B3GAT2: variants seen among roughly 807,000 people sequenced by gnomAD.
B3GAT2 encodes galactosylgalactosylxylosylprotein 3-beta-glucuronosyltransferase 2.
Under a neutral mutation model 27.8 loss-of-function variants are expected in B3GAT2, and 26 were observed. The ratio of observed to expected loss-of-function variants is 0.93; its 90% CI spans 0.68 to 1.30. The LOEUF (loss-of-function observed/expected upper bound fraction) is 1.30, where lower values mean the gene tolerates loss of function less well. Ranked by LOEUF, B3GAT2 falls within the 50% of genes most tolerant of loss-of-function variation. The pLI, the probability that B3GAT2 is intolerant of heterozygous loss-of-function variation, is 0.00. For missense variants in B3GAT2, 458 were observed against 459.0 expected (o/e 1.00, Z 0.02); for synonymous variants, 218 against 195.1 (o/e 1.12, Z -0.98).
At chr6:70,914,689 T>G (rs1356124439) in intron 1 of B3GAT2, among the ~76,000 whole-genome samples, 1 of 152,186 alleles carries the variant, frequency 6.6e-6, no homozygotes, top group Non-Finnish European at 1.5e-5. Context: ...CATTCCTTCT[T>G]GATATCCTTA....
intron 2 of B3GAT2, among the ~76,000 whole-genome samples, chr6:70,870,471 G>A (rs1294680457): frequency 6.7e-5 from 10 of 149,246 alleles, no homozygotes; most frequent in African/African-American, 9.9e-5. Context: ...CAGCACACCA[G>A]CATGGCACAT....
At chr6:70,886,905 C>T (rs1029368772) in intron 2 of B3GAT2, among the ~76,000 whole-genome samples, 3 of 152,140 alleles carry the variant, frequency 2.0e-5, no homozygotes, top group Admixed American at 2.0e-4. Context: ...GACAGAATTA[C>T]CACCCCCTGG....
intron 1 of B3GAT2, among the ~76,000 whole-genome samples, chr6:70,915,163 T>C (rs942195796): frequency 1.3e-5 from 2 of 152,244 alleles, no homozygotes; most frequent in African/African-American, 4.8e-5. Context: ...CCAGTGATGA[T>C]GGACATTTTT....
chr6:70,944,668 G>A (rs1299712145), intron 1 of B3GAT2, among the ~76,000 whole-genome samples: 1 of 152,186 alleles, frequency 6.6e-6, no homozygotes, highest in Non-Finnish European at 1.5e-5. Context: ...AAAGATGGCA[G>A]TAACCTCTGC....
At chr6:70,911,737 G>A (rs879567026) in intron 1 of B3GAT2, among the ~76,000 whole-genome samples, 9 of 152,316 alleles carry the variant, frequency 5.9e-5, no homozygotes, top group Admixed American at 4.6e-4. Flanking sequence ...GCTTTGGGCA[G>A]TATGGCCACT....
rs1184839109 is a variant in B3GAT2, at chr6:70,861,715, T to C, written c.920A>G (p.Asn307Ser). 4 of 1,614,150 alleles carry C rather than the reference T, an allele frequency of 2.5e-6. No individual in the cohort carries two copies. The Admixed American group carries it at 5.0e-5, about 20-fold the overall frequency. Residue 307 changes from asparagine to serine, a missense_variant, in exon 4 of 4, where the codon AAT becomes AGT. Physicochemically the swap from Asn to Ser is conservative, Grantham distance 46 (BLOSUM62 1). Coordinates refer to ENST00000230053, the MANE Select transcript of B3GAT2 (RefSeq NM_080742.3). ...GTGGTACTTTGGCTCGTTGGCTAGA[T>C]TAACCTTCTCTGTCCGAGTGTGCCA... ...LVWHTRTEKV[N>S]LANEPKYHLD...
chr6:70,940,709 C>T (rs908784505), intron 1 of B3GAT2, among the ~76,000 whole-genome samples: 3 of 152,096 alleles, frequency 2.0e-5, no homozygotes, highest in African/African-American at 4.8e-5. Flanking sequence ...GGGTGCATCA[C>T]CTGAGGTCAG....
chr6:70,896,888 A>C (rs975744190), intron 1 of B3GAT2, among the ~76,000 whole-genome samples: 1 of 152,246 alleles, frequency 6.6e-6, no homozygotes, highest in African/African-American at 2.4e-5. Context: ...TTACAAGTTT[A>C]TGCGAATTTC....
chr6:70,923,800 T>C (rs1350599736), intron 1 of B3GAT2, among the ~76,000 whole-genome samples: 1 of 152,236 alleles, frequency 6.6e-6, no homozygotes, highest in Non-Finnish European at 1.5e-5. Context: ...ACTTTCTGTG[T>C]AGTAATTTAA....
intron 1 of B3GAT2, among the ~76,000 whole-genome samples, chr6:70,950,338 A>T (rs1168652862): frequency 6.6e-6 from 1 of 152,138 alleles, no homozygotes; most frequent in African/African-American, 2.4e-5. Flanking sequence ...AACAAAAAGG[A>T]AAAAAGTAAC....
intron 1 of B3GAT2, among the ~76,000 whole-genome samples, chr6:70,935,807 C>T (rs1454051353): frequency 6.6e-6 from 1 of 151,964 alleles, no homozygotes. Flanking sequence ...CATGCCAAAA[C>T]GTAAAGACCA....
intron 2 of B3GAT2, among the ~76,000 whole-genome samples, chr6:70,885,518 T>C (rs1307092718): frequency 6.6e-6 from 1 of 152,136 alleles, no homozygotes; most frequent in Non-Finnish European, 1.5e-5. Flanking sequence ...CTAGCGTTTA[T>C]CTCAGCATGC....
chr6:70,873,618 G>A (rs1771970989), intron 2 of B3GAT2, among the ~76,000 whole-genome samples: 1 of 151,922 alleles, frequency 6.6e-6, no homozygotes, highest in Non-Finnish European at 1.5e-5. Context: ...GATTTGGGAA[G>A]TTCTAACATT....
In B3GAT2 at chr6:70,917,397, C is replaced by T. The variant is rs1213708199; in HGVS notation, c.592-23125G>A. On this transcript the variant is annotated intron_variant, in intron 1 of 3. Transcript: ENST00000230053. ...TTAAGGGTTTTTTGTGTCTCTCTCT[C>T]CTTTAGTTCTGCTCTGATTTATTTC... 3.3e-5 allele frequency among the ~76,000 whole-genome samples: 5 copies of T among 151,856 alleles called. No individual in the cohort carries two copies. In the East Asian group the frequency reaches 9.7e-4, roughly 29 times the overall value.
In B3GAT2 at chr6:70,860,646, A is replaced by G; in HGVS notation, c.*1017T>C. The G allele has an allele frequency of 4.7e-6, 2 of 421,942 alleles. No homozygotes were observed. Among genetic ancestry groups the G allele is most frequent in the Middle Eastern group, 6.1e-4 (1 of 1,646 alleles). 26.1% of individuals were successfully genotyped at this position (421,942 alleles called of 1,614,324 possible). A position where few individuals can be genotyped will look rare whatever the true frequency, so the allele number is the denominator to read the frequency against. ...ATAAAATTATAGCTCTAATGTTTGC[A>G]TATAAGGGAAGTAGTTATCATGTTA... On this transcript the variant is annotated 3_prime_UTR_variant, in exon 4 of 4. Coordinates refer to ENST00000230053, the MANE Select transcript of B3GAT2 (RefSeq NM_080742.3).
chr6:70,945,229 C>T (rs1389168344), intron 1 of B3GAT2, among the ~76,000 whole-genome samples: 8 of 152,318 alleles, frequency 5.3e-5, no homozygotes, highest in Admixed American at 1.3e-4. Flanking sequence ...CAGAGAATGA[C>T]TTTGACGAGT....
At chr6:70,948,244 G>A (rs531960544) in intron 1 of B3GAT2, among the ~76,000 whole-genome samples, 31 of 146,196 alleles carry the variant, frequency 2.1e-4, no homozygotes, top group South Asian at 1.3e-3. Flanking sequence ...AATTAGGCAG[G>A]AGAAGGAGAT....
chr6:70,866,870 T>G (rs1340109324), intron 2 of B3GAT2, among the ~76,000 whole-genome samples: 3 of 152,220 alleles, frequency 2.0e-5, no homozygotes, highest in African/African-American at 7.2e-5. Flanking sequence ...TACAATCTTT[T>G]AAAGTACACA....
chr6:70,874,760 C>T (rs1168088434), intron 2 of B3GAT2, among the ~76,000 whole-genome samples: 1 of 152,086 alleles, frequency 6.6e-6, no homozygotes, highest in Non-Finnish European at 1.5e-5. Context: ...AAAGACAAGC[C>T]TTGTGAACAG....
Sources: allele counts gnomAD v4.1 joint callset (sites outside exome capture counted in the v4.1 genomes callset), GRCh38; gene constraint gnomAD v4.1.1; transcripts MANE v1.5; gene names NCBI Gene and HGNC (gene_info 2026-07-23, HGNC 2026-07-21).